The following MSC variants were observed in gnomAD, a reference collection of about 807,000 sequenced individuals.
MSC encodes the protein activated B-cell factor 1, homolog of mouse musculin.
Under a neutral mutation model 14.4 loss-of-function variants are expected in MSC, and 16 were observed. The observed-to-expected ratio is 1.11, with a 90% CI of 0.75 to 1.69. The LOEUF (loss-of-function observed/expected upper bound fraction) is 1.69. Ranked by LOEUF, MSC falls within the 40% of genes most tolerant of loss-of-function variation. The pLI is 0.00. For missense variants in MSC, 320 were observed against 288.1 expected (o/e 1.11, Z -0.80); for synonymous variants, 165 against 128.5 (o/e 1.28, Z -1.92).
Position 71,844,068 on chromosome 8 carries a change from G to A in MSC, c.111C>T (p.Ser37=). The change falls in exon 1 of 2, where the codon AGC becomes AGT. Residue 37 remains serine (S), a synonymous_variant. Transcript: ENST00000325509. ...KRPPLRGVER[S]YASPSDNSSA... ...ACGAGTTGTCACTGGGCGAGGCGTAGCTGCGCTCTACGCCGCGGAGGGGCG... is the reference window on the plus strand; with the variant it reads ...ACGAGTTGTCACTGGGCGAGGCGTAACTGCGCTCTACGCCGCGGAGGGGCG... The A allele has an allele frequency of 6.5e-7, 1 of 1,527,494 alleles. No homozygotes were observed. The highest frequency in any genetic ancestry group is 8.8e-7 in the Non-Finnish European group (1 of 1,139,774). 94.6% of individuals were successfully genotyped at this position (1,527,494 alleles called of 1,614,324 possible). A position where few individuals can be genotyped will look rare whatever the true frequency, so the allele number is the denominator to read the frequency against.
chr8:71,843,278 T>G, intron 1 of MSC: 1 of 397,670 alleles, frequency 2.5e-6, no homozygotes, highest in South Asian at 2.4e-5. Flanking sequence ...AGAAAGGGCT[T>G]GCCGATTCAA....
In MSC at chr8:71,844,215, T is replaced by A. The variant is rs375985185; in HGVS notation, c.-37A>T. The A allele has an allele frequency of 4.4e-4, 709 of 1,597,902 alleles. No homozygotes were observed. The highest frequency in any genetic ancestry group is 5.7e-4 in the Non-Finnish European group (668 of 1,172,556). On this transcript the variant is annotated 5_prime_UTR_variant, in exon 1 of 2. Coordinates refer to ENST00000325509, the MANE Select transcript of MSC (RefSeq NM_005098.4). The stretch of plus-strand genomic sequence containing the variant: ...CCTTGCCCACACGCGTCCTCTTTCC[T>A]CCCCCCTGGCCAGTCTCGCTGTCTC...
chr8:71,843,926 C>A lies in MSC; in HGVS notation c.253G>T (p.Gly85Cys). 1 of 1,571,138 alleles carries A rather than the reference C, an allele frequency of 6.4e-7. No individual in the cohort carries two copies. The highest frequency in any genetic ancestry group is 1.2e-5 in the South Asian group (1 of 86,936). Reference protein sequence around the residue: ...PRVAGGGGAGGSAGGGGKKPL... With the variant: ...PRVAGGGGAGCSAGGGGKKPL... ...TTCTTGCCACCACCGCCCGCGCTAC[C>A]ACCTGCGCCGCCGCCCCCAGCCACA... Residue 85 changes from glycine to cysteine, a missense_variant, in exon 1 of 2, where the codon GGT becomes TGT. Coordinates refer to ENST00000325509, the MANE Select transcript of MSC (RefSeq NM_005098.4).
Position 71,843,639 on chromosome 8 carries a change from C to T in MSC, c.534+6G>A. ...TCTCCCGAATCCTTGCGCGCCGCGC[C>T]CCTACCAGGTTCACTGGGTGCACGT... On this transcript the variant is annotated splice_donor_region_variant and intron_variant, in intron 1 of 1. Transcript: ENST00000325509. 4 of 1,614,160 alleles carry T rather than the reference C, an allele frequency of 2.5e-6. No individual in the cohort carries two copies. Among genetic ancestry groups the T allele is most frequent in the Non-Finnish European group, 2.5e-6 (3 of 1,180,026 alleles).
In MSC at chr8:71,844,228, G is replaced by C. The variant is rs1006765907; in HGVS notation, c.-50C>G. 1 of 1,605,956 alleles carries C rather than the reference G, an allele frequency of 6.2e-7. No individual in the cohort carries two copies. The highest frequency in any genetic ancestry group is 8.5e-7 in the Non-Finnish European group (1 of 1,177,850). On this transcript the variant is annotated 5_prime_UTR_variant, in exon 1 of 2. Coordinates refer to ENST00000325509, the MANE Select transcript of MSC (RefSeq NM_005098.4). ...CGTCCTCTTTCCTCCCCCCTGGCCAGTCTCGCTGTCTCCGCCTTCCGCTCC... is the reference window on the plus strand; with the variant it reads ...CGTCCTCTTTCCTCCCCCCTGGCCACTCTCGCTGTCTCCGCCTTCCGCTCC...
chr8:71,842,735 C>T lies in MSC; in HGVS notation c.547G>A (p.Val183Met), dbSNP rs2129421009. The change falls in exon 2 of 2, where the codon GTG (valine) becomes ATG (methionine). Residue 183 changes from valine (V) to methionine (M), a missense_variant. Coordinates refer to ENST00000325509, the MANE Select transcript of MSC (RefSeq NM_005098.4). ...TCAGAGTCCGGTCTTCCCGAGACCA[C>T]GAATGGCCATGTCTGTAAATCAAAA... ...VHPVNLTWPFVVSGRPDSDTK... is the reference protein window; with the variant it reads ...VHPVNLTWPFMVSGRPDSDTK... 1 of 1,613,898 alleles carries T rather than the reference C, an allele frequency of 6.2e-7. No individual in the cohort carries two copies. The highest frequency in any genetic ancestry group is 8.5e-7 in the Non-Finnish European group (1 of 1,179,888).
intron 1 of MSC, chr8:71,843,050 G>GCA (rs59293389): frequency 0.06 from 9,840 of 165,088 alleles, 159 homozygotes; most frequent in Non-Finnish European, 0.065. Context: ...ACACACACAC[G>GCA]CACACACACA....
Position 71,842,319 on chromosome 8 carries a change from A to G in MSC, c.*342T>C. 1 of 343,714 alleles carries G rather than the reference A, an allele frequency of 2.9e-6. No homozygotes were observed. 21.3% of individuals were successfully genotyped at this position (343,714 alleles called of 1,614,324 possible). On this transcript the variant is annotated 3_prime_UTR_variant, in exon 2 of 2. Coordinates refer to ENST00000325509, the MANE Select transcript of MSC (RefSeq NM_005098.4). ...GTGCGATGAATCTGGCTCCGCTGAG[A>G]ACGGATCCGTGGGCTGTCTGGCGCG...
Position 71,842,755 on chromosome 8 carries a change from T to C in MSC, c.535-8A>G. Reference sequence around the variant, plus strand: ...GACCACGAATGGCCATGTCTGTAAATCAAAAAGAACGTGAGATATTAGAGA... The same window carrying C: ...GACCACGAATGGCCATGTCTGTAAACCAAAAAGAACGTGAGATATTAGAGA... On this transcript the variant is annotated splice_polypyrimidine_tract_variant and splice_region_variant and intron_variant, in intron 1 of 1. Transcript: ENST00000325509. The C allele has an allele frequency of 6.2e-7, 1 of 1,613,304 alleles. No individual in the cohort carries two copies. Among genetic ancestry groups the C allele is most frequent in the Non-Finnish European group, 8.5e-7 (1 of 1,179,446 alleles).
rs1474729013 is a variant in MSC, at chr8:71,843,851, T to C, written c.328A>G (p.Asn110Asp). 6.2e-7 allele frequency: 1 copy of C among 1,612,762 alleles called. No homozygotes were observed. The highest frequency in any genetic ancestry group is 1.3e-5 in the African/African-American group (1 of 74,946). The stretch of plus-strand genomic sequence containing the variant: ...GCACGCTCACGGGCGTTGGCCGCGT[T>C]CCGCTGCGACTGCTTGCACTCTGCG... ...SAAECKQSQR[N>D]AANARERARM... Residue 110 changes from asparagine to aspartate, a missense_variant, in exon 1 of 2, where the codon AAC becomes GAC. Asn to Asp is a conservative substitution (Grantham distance 23). Coordinates refer to ENST00000325509, the MANE Select transcript of MSC (RefSeq NM_005098.4).
chr8:71,843,098 C>A, intron 1 of MSC: 1 of 345,928 alleles, frequency 2.9e-6, no homozygotes, highest in Non-Finnish European at 5.6e-6. Flanking sequence ...CCACTCCAAG[C>A]TCCAAGTAGG....
intron 1 of MSC, chr8:71,843,031 A>AACACACACACAC (rs569519706): frequency 1.8e-4 from 49 of 268,954 alleles, no homozygotes; most frequent in Non-Finnish European, 2.9e-4. Flanking sequence ...TCCCTTCCCC[A>AACACACACACAC]ACACACACAC....
chr8:71,842,687 T>C lies in MSC; in HGVS notation c.595A>G (p.Asn199Asp), dbSNP rs1170599977. 1 of 1,614,068 alleles carries C rather than the reference T, an allele frequency of 6.2e-7. No individual in the cohort carries two copies. Among genetic ancestry groups the C allele is most frequent in the East Asian group, 2.2e-5 (1 of 44,878 alleles). The stretch of plus-strand genomic sequence containing the variant: ...TAAGCGGTGGTTCCACATAGTCTGT[T>C]GGCTGCGGAAACTTCTTTGGTGTCA... Reference protein sequence around the residue: ...DSDTKEVSAANRLCGTTA With the variant: ...DSDTKEVSAADRLCGTTA Residue 199 changes from asparagine (N) to aspartate (D), a missense_variant, in exon 2 of 2, where the codon AAC (asparagine) becomes GAC (aspartate). Transcript: ENST00000325509.
intron 1 of MSC, 131 bp from the exon 2 acceptor site, chr8:71,842,878 A>G: frequency 5.0e-6 from 4 of 800,850 alleles, no homozygotes; most frequent in Admixed American, 1.8e-5. Context: ...GGGAATTTGC[A>G]TGTCCTCTCT....
chr8:71,843,968 T>C lies in MSC; in HGVS notation c.211A>G (p.Lys71Glu), dbSNP rs772852157. The C allele has an allele frequency of 7.7e-6, 12 of 1,561,754 alleles. No individual in the cohort carries two copies. The East Asian group carries it at 2.4e-4, about 31-fold the overall frequency. ...CCAGCCACACGGGGCCGCTTCCTCT[T>C]GCAGCCTTCCGCGCTGCCGGCTGTG... ...LGTAGSAEGCKRKRPRVAGGG... is the reference protein window; with the variant it reads ...LGTAGSAEGCERKRPRVAGGG... The change falls in exon 1 of 2, where the codon AAG becomes GAG. Residue 71 changes from lysine to glutamate, a missense_variant. Physicochemically the swap from Lys to Glu is moderately conservative, Grantham distance 56. Coordinates refer to ENST00000325509, the MANE Select transcript of MSC (RefSeq NM_005098.4).
intron 1 of MSC, chr8:71,843,387 G>C (rs1195274138): frequency 2.2e-5 from 13 of 580,032 alleles, no homozygotes; most frequent in Admixed American, 8.0e-5. Context: ...TACCCTGGAA[G>C]TAGGATATTA....
Position 71,843,926 on chromosome 8 carries a change from C to T in MSC, c.253G>A (p.Gly85Ser), listed in dbSNP as rs1258114913. 5.7e-6 allele frequency: 9 copies of T among 1,571,020 alleles called. No individual in the cohort carries two copies. The East Asian group carries it at 1.9e-4, about 33-fold the overall frequency. ...TTCTTGCCACCACCGCCCGCGCTAC[C>T]ACCTGCGCCGCCGCCCCCAGCCACA... ...PRVAGGGGAG[G>S]SAGGGGKKPL... The change falls in exon 1 of 2, where the codon GGT (glycine) becomes AGT (serine). Residue 85 changes from glycine to serine, a missense_variant. Transcript: ENST00000325509.
At position 71,842,286 on chromosome 8, in the gene MSC, C is replaced by T; in HGVS notation, c.*375G>A. 1 of 304,532 alleles carries T rather than the reference C, an allele frequency of 3.3e-6. No homozygotes were observed. The highest frequency in any genetic ancestry group is 3.4e-5 in the South Asian group (1 of 29,580). 18.9% of individuals were successfully genotyped at this position (304,532 alleles called of 1,614,324 possible). ...AAGGCCGGGGCTGTGTGGAACCGTCCCGCACGTGTGCGATGAATCTGGCTC... is the reference window on the plus strand; with the variant it reads ...AAGGCCGGGGCTGTGTGGAACCGTCTCGCACGTGTGCGATGAATCTGGCTC... On this transcript the variant is annotated 3_prime_UTR_variant, in exon 2 of 2. Transcript: ENST00000325509.
rs1585713044 is a variant in MSC at position 71,842,942 on chromosome 8, C to A, written c.535-195G>T. 3 of 555,578 alleles carry A rather than the reference C, an allele frequency of 5.4e-6. No homozygotes were observed. In the East Asian group the frequency reaches 1.0e-4, roughly 19 times the overall value. 34.4% of individuals were successfully genotyped at this position (555,578 alleles called of 1,614,324 possible). On this transcript the variant is annotated intron_variant, in intron 1 of 1. Coordinates refer to ENST00000325509, the MANE Select transcript of MSC (RefSeq NM_005098.4). ...GTTGATAATCCGAGACTTGCCATATCCGTTCACGCTTCTTCCTGGACTTTG... is the reference window on the plus strand; with the variant it reads ...GTTGATAATCCGAGACTTGCCATATACGTTCACGCTTCTTCCTGGACTTTG...
Sources: allele counts gnomAD v4.1 joint callset, GRCh38; gene constraint gnomAD v4.1.1; transcripts MANE v1.5; gene names NCBI Gene and HGNC (gene_info 2026-07-23, HGNC 2026-07-21).